Variants in SLC7A14 observed in about 807,000 individuals in gnomAD.
SLC7A14 encodes solute carrier family 7 member 14, also known as gamma-aminobutyric acid transporter SLC7A14.
A neutral mutation model predicts 60.2 loss-of-function variants in SLC7A14; 37 were observed. The observed-to-expected ratio is 0.61, with a 90% CI of 0.47 to 0.81. The LOEUF (loss-of-function observed/expected upper bound fraction) is 0.81, where lower values mean the gene tolerates loss of function less well. SLC7A14 is among the 30% of genes least tolerant of loss of function. SLC7A14 has a pLI of 0.00. For synonymous variants in SLC7A14, 399 were observed against 395.8 expected, an observed-to-expected ratio of 1.01 and a Z score of -0.10; for missense variants, 886 against 982.7, an observed-to-expected ratio of 0.90 and a Z score of 1.32.
chr3:170,500,438 C>CAAAAAAA (rs66971540), intron 3 of SLC7A14, among the ~76,000 whole-genome samples: 1 of 55,630 alleles, frequency 1.8e-5, no homozygotes, highest in Non-Finnish European at 3.5e-5. Flanking sequence ...GACTCTGTCT[C>CAAAAAAA]AAAAAAAAAA....
intron 1 of SLC7A14, among the ~76,000 whole-genome samples, chr3:170,544,818 A>G (rs1365381649): frequency 6.6e-6 from 1 of 152,246 alleles, no homozygotes; most frequent in Non-Finnish European, 1.5e-5. Context: ...TGAGGCACAG[A>G]GCAGTTAACA....
chr3:170,528,245 G>T (rs1219409140), intron 1 of SLC7A14, among the ~76,000 whole-genome samples: 2 of 152,148 alleles, frequency 1.3e-5, no homozygotes, highest in Non-Finnish European at 2.9e-5. Context: ...ATAAAAAGGG[G>T]TGTTGGATCT....
intron 4 of SLC7A14, among the ~76,000 whole-genome samples, chr3:170,488,644 A>G (rs1712112497): frequency 6.6e-6 from 1 of 152,228 alleles, no homozygotes; most frequent in Non-Finnish European, 1.5e-5. Flanking sequence ...GGATATCCAT[A>G]GGCAGAAGAA....
chr3:170,556,904 T>C (rs1714499228), intron 1 of SLC7A14, among the ~76,000 whole-genome samples: 4 of 152,244 alleles, frequency 2.6e-5, no homozygotes, highest in Admixed American at 2.6e-4. Context: ...CCTACCAGGC[T>C]ATCTCCCACT....
intron 4 of SLC7A14, chr3:170,496,473 G>A: frequency 1.5e-6 from 2 of 1,334,438 alleles, no homozygotes; most frequent in East Asian, 2.3e-5. Flanking sequence ...GGCCGTTAAG[G>A]ATGCCAGCGC....
At chr3:170,482,649 A>G (rs913125231) in intron 6 of SLC7A14, among the ~76,000 whole-genome samples, 1 of 152,250 alleles carries the variant, frequency 6.6e-6, no homozygotes, top group Non-Finnish European at 1.5e-5. Flanking sequence ...TGGTGTGGTT[A>G]AAAGTCTGAT....
At chr3:170,510,387 CA>C (rs200708263) in intron 2 of SLC7A14, among the ~76,000 whole-genome samples, 3,102 of 99,158 alleles carry the variant, frequency 0.031, 140 homozygotes, top group East Asian at 0.17. Flanking sequence ...AAGACTCTGT[CA>C]AAAAAAAAAA....
At chr3:170,557,843 C>T (rs1714531080) in intron 1 of SLC7A14, among the ~76,000 whole-genome samples, 1 of 152,100 alleles carries the variant, frequency 6.6e-6, no homozygotes, top group Non-Finnish European at 1.5e-5. Context: ...AGGCAAGGAA[C>T]CCTGAATTCT....
Position 170,495,731 on chromosome 3 carries a change from C to T in SLC7A14, c.759+2936G>A, listed in dbSNP as rs1346170318. 4 of 1,152,320 alleles carry T rather than the reference C, an allele frequency of 3.5e-6. No homozygotes were observed. The African/African-American group carries it at 6.0e-5, about 17-fold the overall frequency. The allele number at this position is 1,152,320 out of a possible 1,614,324, so 71.4% of individuals were successfully genotyped here. On this transcript the variant is annotated intron_variant, in intron 4 of 7. Transcript: ENST00000231706. ...CCCAGGAGAAGGAGCAGATCAAGACCCTCAACAACAAGTTTGCCTCCTTCA... is the reference window on the plus strand; with the variant it reads ...CCCAGGAGAAGGAGCAGATCAAGACTCTCAACAACAAGTTTGCCTCCTTCA...
chr3:170,530,872 G>A (rs1278342908), intron 1 of SLC7A14, among the ~76,000 whole-genome samples: 2 of 152,218 alleles, frequency 1.3e-5, no homozygotes, highest in Admixed American at 6.5e-5. Context: ...TGCGCTGCTG[G>A]AATCGAGGAG....
chr3:170,559,019 T>C (rs1469811521), intron 1 of SLC7A14, among the ~76,000 whole-genome samples: 1 of 152,198 alleles, frequency 6.6e-6, no homozygotes, highest in East Asian at 1.9e-4. Flanking sequence ...GGGAGGTTGA[T>C]GTCGGAATCC....
intron 1 of SLC7A14, among the ~76,000 whole-genome samples, chr3:170,549,214 C>CTTTTTTTT (rs113114531): frequency 2.3e-5 from 3 of 129,514 alleles, no homozygotes; most frequent in African/African-American, 3.0e-5. Context: ...CGGCCTTCTT[C>CTTTTTTTT]TTTTTTTTTT....
intron 4 of SLC7A14, among the ~76,000 whole-genome samples, chr3:170,497,087 C>CAAAAAAAAAAAAAAAAA (rs548290941): frequency 3.2e-5 from 3 of 94,316 alleles, no homozygotes; most frequent in African/African-American, 7.8e-5. Flanking sequence ...TTATTTTGTC[C>CAAAAAAAAAAAAAAAAA]AAAAAAAAAA....
At chr3:170,533,664 TGTGTGTGTGTGTGTG>T (rs1304878946) in intron 1 of SLC7A14, among the ~76,000 whole-genome samples, 4 of 151,898 alleles carry the variant, frequency 2.6e-5, no homozygotes, top group African/African-American at 9.7e-5. Context: ...TGTGTGTGTG[TGTGTGTGTGTGTGTG>T]GTGTGTGTGT....
At chr3:170,487,440 C>T (rs370976213) in intron 4 of SLC7A14, among the ~76,000 whole-genome samples, 16 of 151,598 alleles carry the variant, frequency 1.1e-4, no homozygotes, top group African/African-American at 3.4e-4. Flanking sequence ...AGAAGCAAGC[C>T]CTAGCCAGTG....
intron 4 of SLC7A14, chr3:170,495,971 G>A (rs909389776): frequency 4.1e-6 from 5 of 1,229,458 alleles, no homozygotes; most frequent in Admixed American, 3.4e-5. Context: ...ACAAGTATGA[G>A]GATGAGATCA....
rs751371318 is a variant in SLC7A14 at position 170,475,155 on chromosome 3, CAT to C, written c.1993+5132_1993+5133del. ...CTTTTCTTGTCTGAAGGAAAAGAAA[CAT>C]GTGCTGGATAATCTTGTTGGGGCTT... On this transcript the variant is annotated intron_variant, in intron 7 of 7. Coordinates refer to ENST00000231706, the MANE Select transcript of SLC7A14 (RefSeq NM_020949.3). Among the ~76,000 whole-genome samples the C allele has an allele frequency of 3.6e-4, 55 of 152,334 alleles. No homozygotes were observed. The South Asian group carries it at 3.9e-3, about 11-fold the overall frequency.
At chr3:170,579,607 A>G (rs11719718) in intron 1 of SLC7A14, among the ~76,000 whole-genome samples, 4,593 of 152,354 alleles carry the variant, frequency 0.03, 90 homozygotes, top group Middle Eastern at 0.075. Context: ...ATCACCAGTT[A>G]AAACCGTTAA....
At chr3:170,562,371 C>T (rs996298767) in intron 1 of SLC7A14, among the ~76,000 whole-genome samples, 1 of 152,092 alleles carries the variant, frequency 6.6e-6, no homozygotes, top group Admixed American at 6.5e-5. Context: ...GACTATTATT[C>T]TAAGTGAAGT....
Sources: gnomAD v4.1 joint callset for allele counts (sites outside exome capture counted in the v4.1 genomes callset) on GRCh38, gnomAD v4.1.1 for gene constraint, MANE v1.5 for transcripts, NCBI Gene and HGNC (gene_info 2026-07-23, HGNC 2026-07-21) for gene names.